The following TRIM2 variants were observed in gnomAD, a reference collection of about 807,000 sequenced individuals.
TRIM2 encodes tripartite motif-containing protein 2.
TRIM2 carries 20 observed loss-of-function variants against 75.2 expected under a neutral mutation model. That is an observed-to-expected ratio of 0.27 (90% CI 0.19 to 0.39). The LOEUF (loss-of-function observed/expected upper bound fraction) is 0.39. Ranked by LOEUF, TRIM2 falls within the 10% of genes least tolerant of loss-of-function variation. The probability of loss-of-function intolerance (pLI) is 1.00; values close to 1 mark genes in which losing one functional copy is unlikely to be tolerated. For missense variants in TRIM2, 660 were observed against 990.8 expected (o/e 0.67, Z 4.48); for synonymous variants, 373 against 388.3 (o/e 0.96, Z 0.46).
intron 1 of TRIM2, chr4:153,153,410 T>A (rs1347903330): frequency 1.4e-5 from 2 of 147,568 alleles, no homozygotes; most frequent in Admixed American, 6.6e-5. Context: ...GAGACGCGCG[T>A]CGCCACGCCT....
intron 1 of TRIM2, among the ~76,000 whole-genome samples, chr4:153,265,098 G>A (rs1205196227): frequency 2.0e-5 from 3 of 151,384 alleles, no homozygotes; most frequent in Non-Finnish European, 4.4e-5. Context: ...ATTTCATTTA[G>A]TCAACGTATA....
chr4:153,203,425 A>C (rs1013222133), upstream of TRIM2, among the ~76,000 whole-genome samples: 2 of 151,626 alleles, frequency 1.3e-5, no homozygotes, highest in Non-Finnish European at 2.9e-5. Context: ...ACACACACAC[A>C]CACACACGAA....
At chr4:153,307,191 G>A (rs72967148) in intron 6 of TRIM2, among the ~76,000 whole-genome samples, 3,345 of 152,276 alleles carry the variant, frequency 0.022, 69 homozygotes, top group African/African-American at 0.053. Context: ...AGAGTTTGCT[G>A]ACTAGAAACC....
rs1162721436 is a variant in TRIM2 at position 153,308,345 on chromosome 4, C to T, written c.1511-7140C>T. 1.1e-5 allele frequency: 14 copies of T among 1,254,954 alleles called. No homozygotes were observed. In the Admixed American group the frequency reaches 2.0e-4, roughly 18 times the overall value. 77.7% of individuals were successfully genotyped at this position (1,254,954 alleles called of 1,614,324 possible). A position where few individuals can be genotyped will look rare whatever the true frequency, so the allele number is the denominator to read the frequency against. ...CCTTGTAGACTCTGTTAATTTCCTG[C>T]AGCTCTTGGTTGGTTCTTGAGCAGA... is the stretch of plus-strand genomic sequence containing the variant. On this transcript the variant is annotated intron_variant, in intron 6 of 11. Coordinates refer to ENST00000338700, the MANE Select transcript of TRIM2 (RefSeq NM_015271.5).
At chr4:153,158,731 GA>G (rs1307283813) in intron 1 of TRIM2, among the ~76,000 whole-genome samples, 3 of 152,220 alleles carry the variant, frequency 2.0e-5, no homozygotes, top group African/African-American at 7.2e-5. Context: ...TAGAAGAGGG[GA>G]AACTGATATT....
intron 6 of TRIM2, among the ~76,000 whole-genome samples, chr4:153,303,703 A>G (rs2150181809): frequency 6.6e-6 from 1 of 152,224 alleles, no homozygotes; most frequent in East Asian, 1.9e-4. Context: ...TGTAGCATTA[A>G]TTTTATGCTT....
In TRIM2 at chr4:153,251,526, AT is replaced by A. The variant is rs565147064; in HGVS notation, c.31-18802del. On this transcript the variant is annotated intron_variant, in intron 1 of 11. Coordinates refer to ENST00000338700, the MANE Select transcript of TRIM2 (RefSeq NM_015271.5). ...GTTTGTTTTTCTTTATATCTTTAAA[AT>A]TTTTTTCTACTTGACATGTTAATGA... 5.5e-3 allele frequency among the ~76,000 whole-genome samples: 836 copies of A among 152,172 alleles called. 9 individuals are homozygous for A. Among genetic ancestry groups the A allele is most frequent in the African/African-American group, 0.018 (747 of 41,534 alleles).
At chr4:153,321,719 G>A (rs142832011) in intron 8 of TRIM2, among the ~76,000 whole-genome samples, 6 of 152,132 alleles carry the variant, frequency 3.9e-5, no homozygotes, top group East Asian at 1.9e-4. Context: ...CTTAATTCTC[G>A]TAAAGTTTAA....
At position 153,270,438 on chromosome 4, in the gene TRIM2, A is replaced by C. The variant is rs775507907; in HGVS notation, c.134A>C (p.Lys45Thr). Residue 45 changes from lysine (K) to threonine (T), a missense_variant, in exon 2 of 12, where the codon AAG becomes ACG. Lys to Thr is a moderately conservative substitution (Grantham distance 78, BLOSUM62 -1). Coordinates refer to ENST00000338700, the MANE Select transcript of TRIM2 (RefSeq NM_015271.5). ...AGTCCTGTGGTGCGCCAGATTGACA[A>C]GCAGTTTCTGATTTGCAGTATATGC... is the stretch of plus-strand genomic sequence containing the variant. ...IPSPVVRQIDKQFLICSICLE... is the reference protein window; with the variant it reads ...IPSPVVRQIDTQFLICSICLE... 2 of 1,614,074 alleles carry C rather than the reference A, an allele frequency of 1.2e-6. No individual in the cohort carries two copies. Among genetic ancestry groups the C allele is most frequent in the Non-Finnish European group, 1.7e-6 (2 of 1,179,990 alleles).
At chr4:153,238,685 G>A (rs1168570138) in intron 1 of TRIM2, among the ~76,000 whole-genome samples, 1 of 152,210 alleles carries the variant, frequency 6.6e-6, no homozygotes, top group African/African-American at 2.4e-5. Context: ...AACAAGCCTG[G>A]AGCCAAGAAA....
At chr4:153,184,861 C>T (rs1732433183) in intron 1 of TRIM2, among the ~76,000 whole-genome samples, 1 of 152,192 alleles carries the variant, frequency 6.6e-6, no homozygotes, top group African/African-American at 2.4e-5. Flanking sequence ...CCTGGTGACA[C>T]ATTTCCATCT....
At chr4:153,169,496 T>C (rs1730634901) in intron 1 of TRIM2, among the ~76,000 whole-genome samples, 1 of 152,234 alleles carries the variant, frequency 6.6e-6, no homozygotes, top group African/African-American at 2.4e-5. Context: ...GGTATGTGAC[T>C]TTTGATTTAA....
chr4:153,294,160 C>T (rs560412197), intron 4 of TRIM2, 145 bp from the exon 5 acceptor site: 54 of 802,612 alleles, frequency 6.7e-5, no homozygotes, highest in Middle Eastern at 3.7e-4. Context: ...GTAATTATGT[C>T]ATATCTTATT....
chr4:153,257,626 T>A, intron 1 of TRIM2: 2 of 1,274,124 alleles, frequency 1.6e-6, no homozygotes, highest in Middle Eastern at 4.3e-4. Context: ...TTTTAACCAG[T>A]CTCTTTGCAT....
chr4:153,285,843 TC>T (rs903807778), intron 3 of TRIM2, among the ~76,000 whole-genome samples: 1 of 152,200 alleles, frequency 6.6e-6, no homozygotes. Flanking sequence ...TCTTAATTCT[TC>T]CTTTCCAATT....
At chr4:153,263,896 A>G (rs534510969) in intron 1 of TRIM2, among the ~76,000 whole-genome samples, 4 of 152,302 alleles carry the variant, frequency 2.6e-5, no homozygotes, top group African/African-American at 9.6e-5. Context: ...TAATCCCATC[A>G]TAAGGGCTCT....
At chr4:153,333,838 T>C (rs1382835301) in intron 11 of TRIM2, among the ~76,000 whole-genome samples, 1 of 152,136 alleles carries the variant, frequency 6.6e-6, no homozygotes, top group Non-Finnish European at 1.5e-5. Flanking sequence ...ATTTAAAATA[T>C]ATGGGGGGAT....
intron 9 of TRIM2, among the ~76,000 whole-genome samples, chr4:153,323,771 C>T (rs1428408756): frequency 6.6e-6 from 1 of 152,154 alleles, no homozygotes; most frequent in Non-Finnish European, 1.5e-5. Flanking sequence ...GCAGATGTGA[C>T]TTTTAGATGG....
At chr4:153,283,768 C>T (rs1399282971) in intron 3 of TRIM2, among the ~76,000 whole-genome samples, 1 of 150,656 alleles carries the variant, frequency 6.6e-6, no homozygotes, top group Admixed American at 6.6e-5. Flanking sequence ...TCCCAAGTAG[C>T]TGGGACTACA....
Sources: gnomAD v4.1 joint callset for allele counts (sites outside exome capture counted in the v4.1 genomes callset) on GRCh38, gnomAD v4.1.1 for gene constraint, MANE v1.5 for transcripts, NCBI Gene and HGNC (gene_info 2026-07-23, HGNC 2026-07-21) for gene names.